The following TRPS1 variants were observed in gnomAD, a reference collection of about 807,000 sequenced individuals.
The protein encoded by TRPS1 is transcriptional repressor GATA binding 1.
TRPS1 carries 6 observed loss-of-function variants against 101.2 expected under a neutral mutation model. The ratio of observed to expected loss-of-function variants is 0.06; its 90% CI spans 0.03 to 0.12. TRPS1 has a LOEUF of 0.12. Ranked by LOEUF, TRPS1 falls within the 10% of genes least tolerant of loss-of-function variation. The probability of loss-of-function intolerance (pLI) is 1.00; values close to 1 mark genes in which losing one functional copy is unlikely to be tolerated. For missense variants in TRPS1, 1,363 were observed against 1,567.0 expected, an observed-to-expected ratio of 0.87 and a Z score of 2.20; for synonymous variants, 578 against 589.8, an observed-to-expected ratio of 0.98 and a Z score of 0.29.
chr8:115,601,467 T>C (rs2130483606), intron 4 of TRPS1, among the ~76,000 whole-genome samples: 1 of 152,288 alleles, frequency 6.6e-6, no homozygotes, highest in Middle Eastern at 3.4e-3. Context: ...TCTACTAAGC[T>C]GTGACTTCTG....
chr8:115,483,049 T>C lies in TRPS1; in HGVS notation c.2701-64597A>G, dbSNP rs370334173. Among the ~76,000 whole-genome samples, 7 of 152,306 alleles carry C rather than the reference T, an allele frequency of 4.6e-5. No homozygotes were observed. In the East Asian group the frequency reaches 1.4e-3, roughly 29 times the overall value. On this transcript the variant is annotated intron_variant, in intron 5 of 6. Coordinates refer to ENST00000395715, the MANE Select transcript of TRPS1 (RefSeq NM_014112.5). ...ATTCCATATAAGTAGGTCTTGTCCT[T>C]TTGAGGAGCAGACATCATACCTTAT...
intron 1 of TRPS1, among the ~76,000 whole-genome samples, chr8:115,627,874 T>A (rs1337230162): frequency 1.3e-5 from 2 of 151,744 alleles, no homozygotes; most frequent in Admixed American, 1.3e-4. Flanking sequence ...TACAGTATAG[T>A]GAATCTAATA....
chr8:115,618,542 G>A (rs1335394964), intron 3 of TRPS1, among the ~76,000 whole-genome samples: 1 of 152,122 alleles, frequency 6.6e-6, no homozygotes, highest in African/African-American at 2.4e-5. Context: ...CCCCTACCAA[G>A]GTCATTCTGC....
intron 3 of TRPS1, among the ~76,000 whole-genome samples, chr8:115,608,701 G>A (rs1818094921): frequency 1.3e-5 from 2 of 151,514 alleles, no homozygotes; most frequent in Admixed American, 1.3e-4. Flanking sequence ...TGATAAAAAT[G>A]TTCCATAGCC....
chr8:115,434,658 G>C (rs1277477388), intron 5 of TRPS1, among the ~76,000 whole-genome samples: 2 of 152,152 alleles, frequency 1.3e-5, no homozygotes, highest in Non-Finnish European at 2.9e-5. Flanking sequence ...TGGAATTACA[G>C]TTAAAATGCA....
intron 5 of TRPS1, among the ~76,000 whole-genome samples, chr8:115,536,366 A>C (rs936244530): frequency 4.0e-5 from 6 of 151,366 alleles, no homozygotes; most frequent in African/African-American, 1.5e-4. Flanking sequence ...TAAAAATACA[A>C]AAAAAAATTA....
chr8:115,535,837 A>G lies in TRPS1; in HGVS notation c.2700+51164T>C, dbSNP rs543381189. The stretch of plus-strand genomic sequence containing the variant: ...GATTCACCTACTTTGGATACCAGTT[A>G]AAGTTAGTGCTTCATCTCTCATTGT... On this transcript the variant is annotated intron_variant, in intron 5 of 6. Coordinates refer to ENST00000395715, the MANE Select transcript of TRPS1 (RefSeq NM_014112.5). Among the ~76,000 whole-genome samples the G allele has an allele frequency of 2.0e-5, 3 of 151,980 alleles. No individual in the cohort carries two copies. In the South Asian group the frequency reaches 6.2e-4, roughly 32 times the overall value.
intron 5 of TRPS1, among the ~76,000 whole-genome samples, chr8:115,426,646 G>GA (rs1365929412): frequency 6.6e-6 from 1 of 152,102 alleles, no homozygotes; most frequent in Non-Finnish European, 1.5e-5. Context: ...CACTCTTGGG[G>GA]ATCATACAAT....
intron 5 of TRPS1, among the ~76,000 whole-genome samples, chr8:115,582,133 G>A (rs55882320): frequency 0.015 from 2,231 of 152,164 alleles, 66 homozygotes; most frequent in African/African-American, 0.051. Context: ...AGTCCAAATC[G>A]GGTGAGAAAA....
intron 1 of TRPS1, among the ~76,000 whole-genome samples, chr8:115,645,730 CAT>C (rs1202802383): frequency 6.6e-6 from 1 of 152,108 alleles, no homozygotes; most frequent in Admixed American, 6.5e-5. Flanking sequence ...AATGATGGCA[CAT>C]GTCATTAAAG....
intron 5 of TRPS1, among the ~76,000 whole-genome samples, chr8:115,442,741 C>T (rs1426028580): frequency 2.0e-5 from 3 of 151,614 alleles, no homozygotes; most frequent in Non-Finnish European, 2.9e-5. Flanking sequence ...GCGGGCGGAT[C>T]ATTTGAAGTC....
chr8:115,442,820 G>T (rs939995025), intron 5 of TRPS1, among the ~76,000 whole-genome samples: 1 of 151,468 alleles, frequency 6.6e-6, no homozygotes, highest in Non-Finnish European at 1.5e-5. Context: ...GGCCAGGCGC[G>T]GTGGCTCACG....
At chr8:115,478,842 T>G (rs1177379353) in intron 5 of TRPS1, among the ~76,000 whole-genome samples, 1 of 141,602 alleles carries the variant, frequency 7.1e-6, no homozygotes, top group East Asian at 1.9e-4. Flanking sequence ...TGTATATAAA[T>G]GTATATATGT....
intron 5 of TRPS1, among the ~76,000 whole-genome samples, chr8:115,525,788 A>G (rs866591323): frequency 5.2e-4 from 79 of 152,366 alleles, no homozygotes; most frequent in African/African-American, 1.8e-3. Flanking sequence ...CACATACTAT[A>G]GAAAATTTCC....
intron 5 of TRPS1, among the ~76,000 whole-genome samples, chr8:115,495,463 A>AATAT (rs145758792): frequency 6.7e-6 from 1 of 148,234 alleles, no homozygotes; most frequent in African/African-American, 2.5e-5. Context: ...GGAGGAAAAA[A>AATAT]ATATATATAT....
chr8:115,468,506 A>G (rs1019791417), intron 5 of TRPS1, among the ~76,000 whole-genome samples: 17 of 152,192 alleles, frequency 1.1e-4, no homozygotes, highest in Non-Finnish European at 1.5e-4. Context: ...TGTGAGTCAC[A>G]TATTAACTCT....
intron 5 of TRPS1, among the ~76,000 whole-genome samples, chr8:115,567,936 G>C (rs968755404): frequency 6.6e-6 from 1 of 152,098 alleles, no homozygotes; most frequent in Non-Finnish European, 1.5e-5. Context: ...AGAGGCTATG[G>C]TTTCAACACC....
At position 115,604,008 on chromosome 8, in the gene TRPS1, G is replaced by T; in HGVS notation, c.1961C>A (p.Ala654Glu). The change falls in exon 4 of 7, where the codon GCA (alanine) becomes GAA (glutamate). Residue 654 changes from alanine to glutamate, a missense_variant. By Grantham distance (107) the Ala-to-Glu change is moderately radical. Coordinates refer to ENST00000395715, the MANE Select transcript of TRPS1 (RefSeq NM_014112.5). The surrounding 1 kb of genome is among the most constrained non-coding windows in gnomAD (Gnocchi z 4.1). The stretch of plus-strand genomic sequence containing the variant: ...ATTTGCTTCTTGTTTGACATCCGAT[G>T]CTTGGGACTCATGCACACTTTCATA... ...FHYESVHESQ[A>E]SDVKQEANHL... is the part of the protein sequence containing the mutation. 1 of 1,613,960 alleles carries T rather than the reference G, an allele frequency of 6.2e-7. No homozygotes were observed. The highest frequency in any genetic ancestry group is 1.3e-5 in the African/African-American group (1 of 74,976).
chr8:115,582,813 A>T (rs1400255270), intron 5 of TRPS1, among the ~76,000 whole-genome samples: 1 of 152,204 alleles, frequency 6.6e-6, no homozygotes, highest in African/African-American at 2.4e-5. Flanking sequence ...GGAAACCAAG[A>T]TCAATCTCAA....
Sources: allele counts gnomAD v4.1 joint callset (sites outside exome capture counted in the v4.1 genomes callset), GRCh38; gene constraint gnomAD v4.1.1; non-coding constraint Gnocchi (gnomAD v3.1); transcripts MANE v1.5; gene names NCBI Gene and HGNC (gene_info 2026-07-23, HGNC 2026-07-21).